The following GPC6 variants were observed in gnomAD, a reference collection of about 807,000 sequenced individuals.
GPC6 encodes glypican 6.
Under a neutral mutation model 55.2 loss-of-function variants are expected in GPC6, and 14 were observed. The ratio of observed to expected loss-of-function variants is 0.25; its 90% confidence interval spans 0.17 to 0.40. The LOEUF is 0.40. Among genes scored for constraint, GPC6 ranks in the 10% least tolerant of loss-of-function variants. The pLI is 1.00. For missense variants in GPC6, 641 were observed against 708.5 expected (o/e 0.90, Z 1.08); for synonymous variants, 278 against 259.6 (o/e 1.07, Z -0.68).
rs141775362 is a variant in GPC6 at position 93,910,495 on chromosome 13, C to T, written c.711+79950C>T. ...TGGGTGTGTGTTTGGAGATGTATTGCAGTGGAGGGAGTGATTGAGAGATAG... is the reference window on the plus strand; with the variant it reads ...TGGGTGTGTGTTTGGAGATGTATTGTAGTGGAGGGAGTGATTGAGAGATAG... On this transcript the variant is annotated intron_variant, in intron 3 of 8. Transcript: ENST00000377047. Among the ~76,000 whole-genome samples, 18 of 151,972 alleles carry T rather than the reference C, an allele frequency of 1.2e-4. No individual in the cohort carries two copies. The East Asian group carries it at 1.7e-3, about 15-fold the overall frequency.
intron 6 of GPC6, among the ~76,000 whole-genome samples, chr13:94,359,896 G>A (rs1035712881): frequency 6.6e-6 from 1 of 152,208 alleles, no homozygotes; most frequent in Non-Finnish European, 1.5e-5. Context: ...ATAGGAAAAT[G>A]CAAAGCCCTT....
chr13:93,848,551 G>A (rs535686060), intron 3 of GPC6, among the ~76,000 whole-genome samples: 1 of 152,118 alleles, frequency 6.6e-6, no homozygotes, highest in African/African-American at 2.4e-5. Flanking sequence ...TTACTGTCCT[G>A]TTTACAAGTC....
chr13:93,699,596 T>A (rs1170775304), intron 2 of GPC6, among the ~76,000 whole-genome samples: 1 of 152,152 alleles, frequency 6.6e-6, no homozygotes, highest in Admixed American at 6.6e-5. Flanking sequence ...CGTTGTTGAC[T>A]TTTTATAAAT....
chr13:93,375,175 C>A (rs1379230957), intron 1 of GPC6, among the ~76,000 whole-genome samples: 1 of 152,116 alleles, frequency 6.6e-6, no homozygotes, highest in African/African-American at 2.4e-5. Context: ...CCTAATTATT[C>A]TTCTTGATGT....
At chr13:94,265,075 C>T (rs1282009955) in intron 4 of GPC6, among the ~76,000 whole-genome samples, 1 of 152,078 alleles carries the variant, frequency 6.6e-6, no homozygotes, top group Admixed American at 6.5e-5. Flanking sequence ...TTGGAGGGGA[C>T]ACTGCCAGAC....
In GPC6 at chr13:93,867,093, AT is replaced by A. The variant is rs200486919; in HGVS notation, c.711+36557del. Among the ~76,000 whole-genome samples the A allele has an allele frequency of 6.8e-4, 102 of 150,940 alleles. No individual in the cohort carries two copies. The Middle Eastern group carries it at 0.01, about 15-fold the overall frequency. Reference sequence around the variant, plus strand: ...CTGAAATGTATATCTCAGTATGTTGATTTTTTTTTAAGTGAGGCTATTTCCA... The same window carrying A: ...CTGAAATGTATATCTCAGTATGTTGATTTTTTTTAAGTGAGGCTATTTCCA... On this transcript the variant is annotated intron_variant, in intron 3 of 8. Coordinates refer to ENST00000377047, the MANE Select transcript of GPC6 (RefSeq NM_005708.5).
chr13:93,479,186 A>T lies in GPC6; in HGVS notation c.161-66077A>T, dbSNP rs187027122. ...TGGGAAACTATTACCAATTCAAAAA[A>T]TGTGAATTTAGCATTTATCTCTTTT... On this transcript the variant is annotated intron_variant, in intron 1 of 8. Coordinates refer to ENST00000377047, the MANE Select transcript of GPC6 (RefSeq NM_005708.5). Among the ~76,000 whole-genome samples, 3 of 152,312 alleles carry T rather than the reference A, an allele frequency of 2.0e-5. No individual in the cohort carries two copies. The East Asian group carries it at 5.8e-4, about 29-fold the overall frequency.
chr13:94,365,872 A>G (rs1879265726), intron 6 of GPC6, among the ~76,000 whole-genome samples: 1 of 152,222 alleles, frequency 6.6e-6, no homozygotes, highest in Non-Finnish European at 1.5e-5. Context: ...CAGAATACAC[A>G]TCTATTTCTC....
chr13:94,210,467 A>AT (rs1216986995), intron 4 of GPC6, among the ~76,000 whole-genome samples: 13 of 151,696 alleles, frequency 8.6e-5, no homozygotes, highest in African/African-American at 2.6e-4. Flanking sequence ...AAAGTTTAAC[A>AT]TTTTAAATAA....
chr13:94,017,192 T>C (rs1295633443), intron 3 of GPC6, among the ~76,000 whole-genome samples: 1 of 152,236 alleles, frequency 6.6e-6, no homozygotes, highest in African/African-American at 2.4e-5. Flanking sequence ...CCAACACATT[T>C]TTGTGTGGTT....
At chr13:93,222,776 C>T (rs1875656654), upstream of GPC6, among the ~76,000 whole-genome samples, 1 of 152,090 alleles carries the variant, frequency 6.6e-6, no homozygotes, top group Non-Finnish European at 1.5e-5. Flanking sequence ...AGTAGAATAA[C>T]CAACTAACAA....
intron 4 of GPC6, among the ~76,000 whole-genome samples, chr13:94,078,175 A>C (rs1227627485): frequency 6.6e-6 from 1 of 151,970 alleles, no homozygotes; most frequent in South Asian, 2.1e-4. Flanking sequence ...CAATGGGACC[A>C]AGAAGAAATC....
At chr13:94,097,615 A>G (rs1885715907) in intron 4 of GPC6, among the ~76,000 whole-genome samples, 1 of 152,136 alleles carries the variant, frequency 6.6e-6, no homozygotes, top group Non-Finnish European at 1.5e-5. Flanking sequence ...ATGTGAATAT[A>G]CTTAACACTA....
At chr13:93,896,526 T>G (rs1215263613) in intron 3 of GPC6, among the ~76,000 whole-genome samples, 1 of 152,034 alleles carries the variant, frequency 6.6e-6, no homozygotes, top group Admixed American at 6.6e-5. Flanking sequence ...CAAAAAATTG[T>G]TTTTTGTCCA....
chr13:93,219,931 T>G, the GPC6 span, among the ~76,000 whole-genome samples: 1 of 152,210 alleles, frequency 6.6e-6, no homozygotes. Flanking sequence ...AAATTATATC[T>G]TTCTGCTCCT....
At chr13:94,271,157 A>AT (rs60344123) in intron 4 of GPC6, among the ~76,000 whole-genome samples, 29,563 of 149,476 alleles carry the variant, frequency 0.2, 3,032 homozygotes, top group South Asian at 0.23. Context: ...TGCCCGGCTA[A>AT]TTTTTTGTAT....
chr13:94,314,472 G>T (rs536153317), intron 6 of GPC6, among the ~76,000 whole-genome samples: 6 of 152,132 alleles, frequency 3.9e-5, no homozygotes, highest in Non-Finnish European at 5.9e-5. Context: ...GTCCATCTGC[G>T]CACTCGTTTC....
At chr13:93,530,181 G>GT (rs1327844739) in intron 1 of GPC6, among the ~76,000 whole-genome samples, 1 of 152,150 alleles carries the variant, frequency 6.6e-6, no homozygotes, top group Non-Finnish European at 1.5e-5. Context: ...CTTTGGCTCT[G>GT]TGTTCTGAAA....
At chr13:93,892,742 A>G (rs1204536129) in intron 3 of GPC6, among the ~76,000 whole-genome samples, 2 of 152,186 alleles carry the variant, frequency 1.3e-5, no homozygotes, top group East Asian at 3.9e-4. Context: ...TCTTCACTCA[A>G]CAACATATCA....
Sources: gnomAD v4.1 joint callset for allele counts (sites outside exome capture counted in the v4.1 genomes callset) on GRCh38, gnomAD v4.1.1 for gene constraint, MANE v1.5 for transcripts, NCBI Gene and HGNC (gene_info 2026-07-23, HGNC 2026-07-21) for gene names.